Variants in GALNT18 observed in about 807,000 individuals in gnomAD.
The protein encoded by GALNT18 is GalNAc-transferase 18.
Under a neutral mutation model 69.5 loss-of-function variants are expected in GALNT18, and 44 were observed. That is an observed-to-expected ratio of 0.63 (90% CI 0.50 to 0.81). GALNT18 has a LOEUF of 0.81. Ranked by LOEUF, GALNT18 falls within the 40% of genes least tolerant of loss-of-function variation. GALNT18 has a pLI of 0.00. For synonymous variants in GALNT18, 364 were observed against 318.2 expected, an observed-to-expected ratio of 1.14 and a Z score of -1.53; for missense variants, 715 against 810.0, an observed-to-expected ratio of 0.88 and a Z score of 1.42.
At chr11:11,568,784 A>T (rs923444808) in intron 1 of GALNT18, among the ~76,000 whole-genome samples, 5 of 152,084 alleles carry the variant, frequency 3.3e-5, no homozygotes, top group Non-Finnish European at 7.3e-5. Context: ...CTCTGTCTAA[A>T]CTGATCAGTG....
At chr11:11,317,992 T>C (rs1014314906) in intron 9 of GALNT18, among the ~76,000 whole-genome samples, 4 of 152,364 alleles carry the variant, frequency 2.6e-5, no homozygotes, top group South Asian at 2.1e-4. Context: ...TTTTCTTATT[T>C]GTCAGAGATG....
At chr11:11,576,653 C>T (rs1858932339) in intron 1 of GALNT18, among the ~76,000 whole-genome samples, 2 of 152,190 alleles carry the variant, frequency 1.3e-5, no homozygotes, top group African/African-American at 4.8e-5. Context: ...AGGACTCGAC[C>T]CTAGACCCAC....
intron 1 of GALNT18, among the ~76,000 whole-genome samples, chr11:11,516,129 G>C (rs141345840): frequency 0.027 from 4,094 of 152,298 alleles, 129 homozygotes; most frequent in African/African-American, 0.072. Flanking sequence ...TCAGGCACAG[G>C]GCCCTCAGAG....
rs541405584 is a variant in GALNT18 at position 11,592,287 on chromosome 11, T to G, written c.235+29072A>C. ...CCGGAAGTGAAATGCTAAGAAATTA[T>G]ATGCACGGTTACGAAAAAAAATCAA... On this transcript the variant is annotated intron_variant, in intron 1 of 10. Transcript: ENST00000227756. This position sits in a 1 kb window ranked among gnomAD's most constrained non-coding sequence, Gnocchi z 5.9. Among the ~76,000 whole-genome samples the G allele has an allele frequency of 6.6e-6, 1 of 152,194 alleles. No homozygotes were observed. The highest frequency in any genetic ancestry group is 1.5e-5 in the Non-Finnish European group (1 of 68,048).
At chr11:11,305,295 C>T (rs913219532) in intron 9 of GALNT18, among the ~76,000 whole-genome samples, 10 of 152,146 alleles carry the variant, frequency 6.6e-5, no homozygotes, top group Admixed American at 6.5e-4. Context: ...GAGATAAGGT[C>T]AGGGAAGAAA....
intron 6 of GALNT18, among the ~76,000 whole-genome samples, chr11:11,342,058 C>T (rs1003026272): frequency 4.6e-5 from 7 of 152,136 alleles, no homozygotes; most frequent in Admixed American, 1.3e-4. Flanking sequence ...TTTCTCCCTC[C>T]TCTGGCCCCC....
chr11:11,581,426 G>A (rs1372799922), intron 1 of GALNT18, among the ~76,000 whole-genome samples: 4 of 152,024 alleles, frequency 2.6e-5, no homozygotes, highest in South Asian at 2.1e-4. Flanking sequence ...TGCTTCCCTC[G>A]CCCACCTGTA....
chr11:11,276,375 T>A (rs972599093), intron 10 of GALNT18, among the ~76,000 whole-genome samples: 2 of 152,220 alleles, frequency 1.3e-5, no homozygotes, highest in African/African-American at 4.8e-5. Flanking sequence ...TGCACATTGA[T>A]TTTGTATCCT....
At chr11:11,321,849 C>G (rs530308402) in intron 9 of GALNT18, among the ~76,000 whole-genome samples, 1 of 152,300 alleles carries the variant, frequency 6.6e-6, no homozygotes, top group East Asian at 1.9e-4. Flanking sequence ...AGGTGAACTG[C>G]CTGCCTCGGC....
chr11:11,448,961 A>G, intron 1 of GALNT18, 25 bp from the exon 2 acceptor site: 1 of 1,523,734 alleles, frequency 6.6e-7, no homozygotes, highest in Non-Finnish European at 8.8e-7. Flanking sequence ...AACAGGAGAC[A>G]GTGGGTCAGA....
chr11:11,516,911 C>T (rs574039418), intron 1 of GALNT18, among the ~76,000 whole-genome samples: 12 of 152,276 alleles, frequency 7.9e-5, no homozygotes, highest in African/African-American at 2.9e-4. Context: ...TGTATATGAA[C>T]CCACAAAGTT....
At chr11:11,521,331 G>A (rs1340438321) in intron 1 of GALNT18, among the ~76,000 whole-genome samples, 1 of 152,074 alleles carries the variant, frequency 6.6e-6, no homozygotes, top group Non-Finnish European at 1.5e-5. Context: ...AAGTCTGTCG[G>A]GAGCTCTGGT....
At chr11:11,442,727 C>G (rs1217657298) in intron 2 of GALNT18, among the ~76,000 whole-genome samples, 1 of 151,790 alleles carries the variant, frequency 6.6e-6, no homozygotes, top group Non-Finnish European at 1.5e-5. Context: ...CCCAATTATT[C>G]CCACCTAGGG....
intron 9 of GALNT18, among the ~76,000 whole-genome samples, chr11:11,312,412 G>A (rs1849687168): frequency 6.6e-6 from 1 of 152,262 alleles, no homozygotes; most frequent in East Asian, 1.9e-4. Context: ...ATAGAAATAA[G>A]AAATCACAAA....
At chr11:11,279,978 A>C (rs908888958) in intron 10 of GALNT18, among the ~76,000 whole-genome samples, 4 of 152,278 alleles carry the variant, frequency 2.6e-5, no homozygotes, top group Non-Finnish European at 5.9e-5. Flanking sequence ...ACTGAGAAGC[A>C]GGGGGTGCGG....
At chr11:11,610,143 C>T (rs1415246548) in intron 1 of GALNT18, among the ~76,000 whole-genome samples, 4 of 152,222 alleles carry the variant, frequency 2.6e-5, no homozygotes, top group African/African-American at 4.8e-5. Context: ...TGGTAACCCA[C>T]CTCAGGGCTT....
At chr11:11,350,712 C>T (rs1850385474) in intron 6 of GALNT18, among the ~76,000 whole-genome samples, 1 of 152,138 alleles carries the variant, frequency 6.6e-6, no homozygotes, top group African/African-American at 2.4e-5. Context: ...AGGTGACTAT[C>T]CAGTGTGTCT....
At chr11:11,550,303 G>T (rs1389017852) in intron 1 of GALNT18, among the ~76,000 whole-genome samples, 1 of 152,180 alleles carries the variant, frequency 6.6e-6, no homozygotes, top group Admixed American at 6.5e-5. Flanking sequence ...TTCCCCAAAG[G>T]CTTCCATGCT....
At chr11:11,380,797 G>T (rs75087323) in intron 3 of GALNT18, among the ~76,000 whole-genome samples, 4,411 of 152,202 alleles carry the variant, frequency 0.029, 152 homozygotes, top group East Asian at 0.18. Flanking sequence ...TTTCTTTGGA[G>T]GTCAAAGTGT....
Sources: gnomAD v4.1 joint callset for allele counts (sites outside exome capture counted in the v4.1 genomes callset) on GRCh38, gnomAD v4.1.1 for gene constraint, Gnocchi (gnomAD v3.1) non-coding constraint, MANE v1.5 for transcripts, NCBI Gene and HGNC (gene_info 2026-07-23, HGNC 2026-07-21) for gene names.